The following GRAMD1B variants were observed in gnomAD, a reference collection of about 807,000 sequenced individuals.
GRAMD1B encodes protein Aster-B.
A neutral mutation model predicts 99.7 loss-of-function variants in GRAMD1B; 37 were observed. The observed-to-expected ratio is 0.37, with a 90% confidence interval of 0.29 to 0.49. The LOEUF (loss-of-function observed/expected upper bound fraction) is 0.49, where lower values mean the gene tolerates loss of function less well. Ranked by LOEUF, GRAMD1B falls within the 20% of genes least tolerant of loss-of-function variation. GRAMD1B has a pLI of 0.98. For missense variants in GRAMD1B, 888 were observed against 1,009.2 expected, an observed-to-expected ratio of 0.88 and a Z score of 1.63; for synonymous variants, 427 against 387.6, an observed-to-expected ratio of 1.10 and a Z score of -1.19.
At chr11:123,548,325 TACACACACACACACACAC>T (rs138083511) in intron 2 of GRAMD1B, among the ~76,000 whole-genome samples, 7 of 86,830 alleles carry the variant, frequency 8.1e-5, no homozygotes, top group Non-Finnish European at 1.3e-4. Context: ...TATATATATA[TACACACACACACACACAC>T]ACACACATAT....
At chr11:123,554,525 C>CAAAAAAAAA (rs750680684) in intron 2 of GRAMD1B, among the ~76,000 whole-genome samples, 2 of 86,492 alleles carry the variant, frequency 2.3e-5, no homozygotes, top group African/African-American at 6.8e-5. Flanking sequence ...CCCATCTTTA[C>CAAAAAAAAA]AAAAAAAAAA....
upstream of GRAMD1B, among the ~76,000 whole-genome samples, chr11:123,428,023 C>T (rs1404436702): frequency 3.3e-5 from 5 of 152,130 alleles, no homozygotes; most frequent in Admixed American, 2.0e-4. Flanking sequence ...GTTTCTTCTC[C>T]CTCTTCCCAA....
chr11:123,490,511 A>G (rs1474123547), intron 2 of GRAMD1B, among the ~76,000 whole-genome samples: 1 of 152,230 alleles, frequency 6.6e-6, no homozygotes, highest in Non-Finnish European at 1.5e-5. Flanking sequence ...TTTCATGGAC[A>G]CTAGGAGATC....
intron 2 of GRAMD1B, among the ~76,000 whole-genome samples, chr11:123,571,127 T>C (rs1948030317): frequency 6.6e-6 from 1 of 152,182 alleles, no homozygotes; most frequent in African/African-American, 2.4e-5. Context: ...GGGGCAGAAA[T>C]GATTTTCTCT....
chr11:123,368,867 C>T (rs962936340), intron 1 of GRAMD1B, among the ~76,000 whole-genome samples: 1 of 151,368 alleles, frequency 6.6e-6, no homozygotes, highest in African/African-American at 2.4e-5. Context: ...AGGAGCAAGA[C>T]AGAAACATTG....
At chr11:123,586,866 T>C (rs56708954) in intron 4 of GRAMD1B, among the ~76,000 whole-genome samples, 1,987 of 152,348 alleles carry the variant, frequency 0.013, 29 homozygotes, top group African/African-American at 0.033. Flanking sequence ...CCAGGGTCAG[T>C]GCTGCAGCCA....
At chr11:123,401,189 A>G (rs372303566) in intron 1 of GRAMD1B, among the ~76,000 whole-genome samples, 1 of 152,246 alleles carries the variant, frequency 6.6e-6, no homozygotes, top group Non-Finnish European at 1.5e-5. Flanking sequence ...AATTGTTTCA[A>G]CAGTAACGTG....
At chr11:123,575,394 G>A (rs1948604985) in intron 2 of GRAMD1B, among the ~76,000 whole-genome samples, 1 of 152,110 alleles carries the variant, frequency 6.6e-6, no homozygotes, top group Non-Finnish European at 1.5e-5. Context: ...TGTTGCCCGG[G>A]CTGGTCTCAA....
chr11:123,503,375 G>A (rs1345687407), intron 2 of GRAMD1B, among the ~76,000 whole-genome samples: 4 of 152,152 alleles, frequency 2.6e-5, no homozygotes, highest in Non-Finnish European at 5.9e-5. Flanking sequence ...AGCTAGCTTT[G>A]CATTGGCACC....
chr11:123,520,671 C>T (rs1942113301), intron 2 of GRAMD1B, among the ~76,000 whole-genome samples: 1 of 148,968 alleles, frequency 6.7e-6, no homozygotes, highest in African/African-American at 2.5e-5. Flanking sequence ...CCCAGCTATT[C>T]AGGAAGCTGA....
chr11:123,515,777 T>G (rs1333122683), intron 2 of GRAMD1B, among the ~76,000 whole-genome samples: 3 of 152,126 alleles, frequency 2.0e-5, no homozygotes, highest in African/African-American at 7.2e-5. Context: ...TCAAACCTTT[T>G]TTTTTTTTGA....
intron 2 of GRAMD1B, among the ~76,000 whole-genome samples, chr11:123,532,152 C>A (rs1485558585): frequency 6.6e-6 from 1 of 152,080 alleles, no homozygotes; most frequent in Non-Finnish European, 1.5e-5. Flanking sequence ...ACCAGCTTAA[C>A]TCATGCTAAA....
At chr11:123,412,072 A>T (rs1049406115) in intron 1 of GRAMD1B, among the ~76,000 whole-genome samples, 2 of 152,210 alleles carry the variant, frequency 1.3e-5, no homozygotes, top group Admixed American at 1.3e-4. Flanking sequence ...ACAGAGATAC[A>T]TAATGTGGTA....
At chr11:123,396,163 C>T (rs2135885776) in intron 1 of GRAMD1B, among the ~76,000 whole-genome samples, 1 of 151,906 alleles carries the variant, frequency 6.6e-6, no homozygotes, top group Middle Eastern at 3.4e-3. Context: ...GCTGCTTCCC[C>T]ATATGCATTT....
intron 1 of GRAMD1B, among the ~76,000 whole-genome samples, chr11:123,457,117 A>AG: frequency 0.014 from 1,390 of 96,520 alleles, 21 homozygotes; most frequent in Middle Eastern, 0.022. Flanking sequence ...TTCTGAGAAA[A>AG]AAAGAAAGAA....
chr11:123,410,823 C>T (rs2135967396), intron 1 of GRAMD1B, among the ~76,000 whole-genome samples: 1 of 152,212 alleles, frequency 6.6e-6, no homozygotes, highest in East Asian at 1.9e-4. Flanking sequence ...CACACTCTGC[C>T]ACTTAATTAC....
intron 2 of GRAMD1B, chr11:123,525,891 C>T: frequency 1.9e-6 from 1 of 540,022 alleles, no homozygotes; most frequent in Non-Finnish European, 3.3e-6. Flanking sequence ...CAGGCGGCTC[C>T]AGCCCCAGGC....
In GRAMD1B at chr11:123,603,549, A is replaced by C; in HGVS notation, c.1166+8A>C. ...CGACTTCAACACAATGGGGTGAGTG[A>C]GGCCAAGGGCGGCTGCCCAGAGGCA... On this transcript the variant is annotated splice_region_variant and intron_variant, in intron 9 of 19. Coordinates refer to ENST00000635736, the MANE Select transcript of GRAMD1B (RefSeq NM_001387025.1). 1 of 1,568,750 alleles carries C rather than the reference A, an allele frequency of 6.4e-7. No individual in the cohort carries two copies.
intron 2 of GRAMD1B, among the ~76,000 whole-genome samples, chr11:123,555,453 A>T (rs1481725837): frequency 1.3e-5 from 2 of 151,922 alleles, no homozygotes; most frequent in East Asian, 3.9e-4. Flanking sequence ...GGTTCAAGCA[A>T]CTCTCCTGCC....
Sources: allele counts gnomAD v4.1 joint callset (sites outside exome capture counted in the v4.1 genomes callset), GRCh38; gene constraint gnomAD v4.1.1; transcripts MANE v1.5; gene names NCBI Gene and HGNC (gene_info 2026-07-23, HGNC 2026-07-21).